SELENOT: variants seen among roughly 807,000 people sequenced by gnomAD.
The protein encoded by SELENOT is selenoprotein T, also known as thioredoxin reductase-like selenoprotein T.
In SELENOT, 9 loss-of-function variants were observed where a neutral mutation model predicts 24.3. The observed-to-expected ratio is 0.37, with a 90% CI of 0.22 to 0.65. The LOEUF is 0.65. Among genes scored for constraint, SELENOT ranks in the 30% least tolerant of loss-of-function variants. The probability of loss-of-function intolerance (pLI) is 0.60; values close to 1 mark genes in which losing one functional copy is unlikely to be tolerated. For synonymous variants in SELENOT, 81 were observed against 86.0 expected, an observed-to-expected ratio of 0.94 and a Z score of 0.32; for missense variants, 166 against 247.6, an observed-to-expected ratio of 0.67 and a Z score of 2.21.
intron 1 of SELENOT, among the ~76,000 whole-genome samples, chr3:150,609,977 G>A (rs1040867868): frequency 2.0e-5 from 3 of 152,122 alleles, no homozygotes; most frequent in Non-Finnish European, 4.4e-5. Flanking sequence ...TTTGATAGGG[G>A]CTATGTACCA....
chr3:150,622,976 A>G, intron 2 of SELENOT, 67 bp from the exon 3 acceptor site: 1 of 1,367,688 alleles, frequency 7.3e-7, no homozygotes, highest in Admixed American at 2.6e-5. Flanking sequence ...ATACACTTGA[A>G]TTACTAAATT....
rs1386272341 is a variant in SELENOT, at chr3:150,629,710, C to A, written c.*2081C>A. ...ATTCAGCTGTGTTGTTGACGCTCATCTCTTTTGTCTTACGCTTAGCCATAT... is the reference window on the plus strand; with the variant it reads ...ATTCAGCTGTGTTGTTGACGCTCATATCTTTTGTCTTACGCTTAGCCATAT... On this transcript the variant is annotated 3_prime_UTR_variant, in exon 6 of 6. Transcript: ENST00000471696. 6.6e-6 allele frequency: 1 copy of A among 152,554 alleles called. No individual in the cohort carries two copies. The highest frequency in any genetic ancestry group is 2.4e-5 in the African/African-American group (1 of 41,410). The allele number at this position is 152,554 out of a possible 1,614,324, so 9.5% of individuals were successfully genotyped here. A position where few individuals can be genotyped will look rare whatever the true frequency, so the allele number is the denominator to read the frequency against.
intron 1 of SELENOT, chr3:150,611,534 C>CT (rs1726092112): frequency 8.8e-7 from 1 of 1,141,098 alleles, no homozygotes; most frequent in African/African-American, 1.5e-5. Flanking sequence ...TCATCACTCC[C>CT]TTTTCTCTTT....
At chr3:150,606,255 A>G (rs2108003931) in intron 1 of SELENOT, among the ~76,000 whole-genome samples, 1 of 148,082 alleles carries the variant, frequency 6.8e-6, no homozygotes, top group South Asian at 2.1e-4. Context: ...TAATCCTCCC[A>G]CCACAGCCTC....
intron 1 of SELENOT, among the ~76,000 whole-genome samples, chr3:150,607,947 A>G (rs1471016335): frequency 6.6e-6 from 1 of 152,232 alleles, no homozygotes; most frequent in East Asian, 1.9e-4. Flanking sequence ...GGAGTTGTCC[A>G]GGCAAGAGAT....
At chr3:150,616,351 G>A (rs1282876044) in intron 1 of SELENOT, among the ~76,000 whole-genome samples, 2 of 140,326 alleles carry the variant, frequency 1.4e-5, no homozygotes, top group Non-Finnish European at 1.6e-5. Context: ...TTGACAAATG[G>A]GATCTAATTA....
intron 1 of SELENOT, among the ~76,000 whole-genome samples, chr3:150,619,165 G>A (rs1315426446): frequency 1.3e-5 from 2 of 148,970 alleles, no homozygotes; most frequent in Non-Finnish European, 3.0e-5. Flanking sequence ...AGCTTGCAGT[G>A]AGCCGAGATC....
chr3:150,613,932 G>T (rs960496055), intron 1 of SELENOT, among the ~76,000 whole-genome samples: 1 of 152,058 alleles, frequency 6.6e-6, no homozygotes, highest in Non-Finnish European at 1.5e-5. Context: ...ATAAGTGGTA[G>T]TGAAGCCACC....
intron 1 of SELENOT, among the ~76,000 whole-genome samples, chr3:150,605,767 G>A (rs1725949915): frequency 6.6e-6 from 1 of 152,092 alleles, no homozygotes; most frequent in Admixed American, 6.5e-5. Flanking sequence ...TGAATATTGG[G>A]TTTCTGGTTT....
chr3:150,613,945 G>A (rs1726155281), intron 1 of SELENOT, among the ~76,000 whole-genome samples: 1 of 151,998 alleles, frequency 6.6e-6, no homozygotes. Flanking sequence ...AAGCCACCCT[G>A]GCCACAGGAG....
intron 3 of SELENOT, among the ~76,000 whole-genome samples, chr3:150,623,590 C>T (rs1037335830): frequency 7.5e-3 from 3 of 402 alleles, no homozygotes; most frequent in Non-Finnish European, 0.016. Context: ...CTTATCAAAA[C>T]TCCTCTCTCT....
intron 1 of SELENOT, chr3:150,611,680 C>T: frequency 2.5e-6 from 4 of 1,602,314 alleles, no homozygotes; most frequent in Non-Finnish European, 3.4e-6. Context: ...GCGTTGCCTG[C>T]TGCCCGACCG....
At chr3:150,610,375 A>G (rs552720597) in intron 1 of SELENOT, among the ~76,000 whole-genome samples, 10 of 152,348 alleles carry the variant, frequency 6.6e-5, no homozygotes, top group African/African-American at 2.4e-4. Flanking sequence ...CAAATTCAGG[A>G]TGGCACTGTG....
intron 1 of SELENOT, chr3:150,611,671 C>T (rs545255796): frequency 8.1e-6 from 13 of 1,602,396 alleles, no homozygotes; most frequent in Admixed American, 6.7e-5. Context: ...CTGAAGCTGG[C>T]GTTGCCTGCT....
At chr3:150,624,493 C>G (rs1459084852) in intron 3 of SELENOT, among the ~76,000 whole-genome samples, 1 of 152,116 alleles carries the variant, frequency 6.6e-6, no homozygotes, top group Non-Finnish European at 1.5e-5. Context: ...TATGGAGTTA[C>G]TAATTTTGCA....
At position 150,615,685 on chromosome 3, in the gene SELENOT, C is replaced by A. The variant is rs1442368378; in HGVS notation, c.138-6700C>A. Among the ~76,000 whole-genome samples, 8 of 152,138 alleles carry A rather than the reference C, an allele frequency of 5.3e-5. No homozygotes were observed. The South Asian group carries it at 1.2e-3, about 24-fold the overall frequency. ...TCAAGGAGAACTACAAACCACTGCTCAAGGAAATAAAAGAGGATACAAACA... is the reference window on the plus strand; with the variant it reads ...TCAAGGAGAACTACAAACCACTGCTAAAGGAAATAAAAGAGGATACAAACA... On this transcript the variant is annotated intron_variant, in intron 1 of 5. Coordinates refer to ENST00000471696, the MANE Select transcript of SELENOT (RefSeq NM_016275.5).
At chr3:150,611,695 G>A in intron 1 of SELENOT, 6 of 1,600,428 alleles carry the variant, frequency 3.7e-6, no homozygotes, top group Middle Eastern at 1.7e-4. Context: ...CGACCGCACC[G>A]CTCACCATCC....
At chr3:150,624,143 A>G (rs555813736) in intron 3 of SELENOT, among the ~76,000 whole-genome samples, 1 of 152,264 alleles carries the variant, frequency 6.6e-6, no homozygotes, top group South Asian at 2.1e-4. Context: ...TAACATTCCC[A>G]AATGGTAGAG....
At chr3:150,612,124 C>A (rs939165374) in intron 1 of SELENOT, among the ~76,000 whole-genome samples, 1 of 151,546 alleles carries the variant, frequency 6.6e-6, no homozygotes, top group Non-Finnish European at 1.5e-5. Context: ...GACAGAATCT[C>A]GCTCTGTCGC....
Sources: gnomAD v4.1 joint callset for allele counts (sites outside exome capture counted in the v4.1 genomes callset) on GRCh38, gnomAD v4.1.1 for gene constraint, MANE v1.5 for transcripts, NCBI Gene and HGNC (gene_info 2026-07-23, HGNC 2026-07-21) for gene names.